The following VCL variants were observed in gnomAD, a reference collection of about 807,000 sequenced individuals.
VCL encodes epididymis luminal protein 114.
Under a neutral mutation model 125.7 loss-of-function variants are expected in VCL, and 47 were observed. The ratio of observed to expected loss-of-function variants is 0.37; its 90% CI spans 0.30 to 0.48. The LOEUF is 0.48. Among genes scored for constraint, VCL ranks in the 20% least tolerant of loss-of-function variants. The pLI, the probability that VCL is intolerant of heterozygous loss-of-function variation, is 0.99. For synonymous variants in VCL, 458 were observed against 514.6 expected (o/e 0.89, Z 1.49); for missense variants, 1,069 against 1,455.5 (o/e 0.73, Z 4.32).
chr10:74,020,166 A>C (rs568742042), intron 1 of VCL, among the ~76,000 whole-genome samples: 2 of 152,270 alleles, frequency 1.3e-5, no homozygotes, highest in South Asian at 2.1e-4. Flanking sequence ...AAAGCATTTG[A>C]GTAACTTGTC....
At chr10:74,116,591 CAGG>C (rs1162048872) in intron 21 of VCL, among the ~76,000 whole-genome samples, 1 of 151,392 alleles carries the variant, frequency 6.6e-6, no homozygotes, top group Non-Finnish European at 1.5e-5. Flanking sequence ...GAGGCTGAGG[CAGG>C]AGAATCGCTT....
intron 2 of VCL, among the ~76,000 whole-genome samples, chr10:74,060,655 C>CAAAAAAAAAAAAAAAA (rs11398822): frequency 2.7e-5 from 3 of 109,128 alleles, no homozygotes; most frequent in Admixed American, 1.0e-4. Context: ...GACTCTGTCT[C>CAAAAAAAAAAAAAAAA]AAAAAAAAAA....
At chr10:74,106,133 G>A (rs1363886873) in intron 16 of VCL, among the ~76,000 whole-genome samples, 2 of 151,522 alleles carry the variant, frequency 1.3e-5, no homozygotes, top group Non-Finnish European at 2.9e-5. Context: ...TGTTGGCCAG[G>A]CTGGTCTCAA....
intron 1 of VCL, among the ~76,000 whole-genome samples, chr10:74,006,910 C>T (rs1167941909): frequency 1.3e-5 from 2 of 152,096 alleles, no homozygotes; most frequent in East Asian, 1.9e-4. Context: ...TATTTAATTA[C>T]TCATCATTTA....
intron 10 of VCL, among the ~76,000 whole-genome samples, chr10:74,093,264 TC>T (rs1252045186): frequency 2.0e-5 from 3 of 152,000 alleles, no homozygotes. Flanking sequence ...GCCACTGCAC[TC>T]CAGCCTGGGC....
intron 1 of VCL, among the ~76,000 whole-genome samples, chr10:74,034,471 C>T (rs1461071869): frequency 6.6e-6 from 1 of 152,198 alleles, no homozygotes; most frequent in Non-Finnish European, 1.5e-5. Flanking sequence ...TTCTCTTCCT[C>T]TGTGAAACTT....
At position 74,089,314 on chromosome 10, in the gene VCL, A is replaced by C; in HGVS notation, c.1141A>C (p.Lys381Gln). The C allele has an allele frequency of 6.2e-7, 1 of 1,614,208 alleles. No homozygotes were observed. The highest frequency in any genetic ancestry group is 8.5e-7 in the Non-Finnish European group (1 of 1,180,046). The change falls in exon 9 of 22, where the codon AAG becomes CAG. Residue 381 changes from lysine (K) to glutamine (Q), a missense_variant. Transcript: ENST00000211998. ...ARKLEAMTNS[K>Q]QSIAKKIDAA... ...CAAGCTGGAAGCCATGACCAACTCAAAGCAGAGCATTGCAAAGAAGATCGA... is the reference window on the plus strand; with the variant it reads ...CAAGCTGGAAGCCATGACCAACTCACAGCAGAGCATTGCAAAGAAGATCGA...
chr10:74,072,856 C>A lies in VCL; in HGVS notation c.622+4C>A, dbSNP rs201020802. On this transcript the variant is annotated splice_donor_region_variant and intron_variant, in intron 5 of 21. Transcript: ENST00000211998. ...TTGCTGCCAGTTCTCATTTCAGGTACTTCCTGCCTGTACTTTATTTTATAG... is the reference window on the plus strand; with the variant it reads ...TTGCTGCCAGTTCTCATTTCAGGTAATTCCTGCCTGTACTTTATTTTATAG... 5 of 1,613,972 alleles carry A rather than the reference C, an allele frequency of 3.1e-6. No individual in the cohort carries two copies. Among genetic ancestry groups the A allele is most frequent in the Non-Finnish European group, 4.2e-6 (5 of 1,179,956 alleles).
intron 5 of VCL, among the ~76,000 whole-genome samples, chr10:74,073,148 C>T (rs1055676754): frequency 6.4e-4 from 97 of 152,126 alleles, no homozygotes; most frequent in African/African-American, 2.3e-3. Context: ...ACCATGTGGG[C>T]CAGGATGGTC....
In VCL at chr10:74,118,207, T is replaced by G. The variant is rs923708966; in HGVS notation, c.*38T>G. ...GCCTGGCTGGCACAGAAACCTCTAC[T>G]AAAAAGAAGGAAAATGATCTGAGTC... On this transcript the variant is annotated 3_prime_UTR_variant, in exon 22 of 22. Transcript: ENST00000211998. The G allele has an allele frequency of 5.0e-6, 8 of 1,613,330 alleles. No individual in the cohort carries two copies. The highest frequency in any genetic ancestry group is 6.8e-6 in the Non-Finnish European group (8 of 1,179,774).
chr10:74,109,238 T>C, intron 18 of VCL, 82 bp downstream of exon 18: 1 of 1,555,978 alleles, frequency 6.4e-7, no homozygotes, highest in Non-Finnish European at 8.8e-7. Context: ...GAAAGAAGAG[T>C]CTATTTGGAG....
chr10:74,109,585 T>TTTTTTTC (rs1554819295), intron 18 of VCL, among the ~76,000 whole-genome samples: 3 of 151,806 alleles, frequency 2.0e-5, no homozygotes, highest in Non-Finnish European at 4.4e-5. Flanking sequence ...TCTTTTTTTT[T>TTTTTTTC]CCACAGAAGC....
intron 2 of VCL, among the ~76,000 whole-genome samples, chr10:74,044,541 T>C (rs536001196): frequency 6.6e-6 from 1 of 152,342 alleles, no homozygotes; most frequent in South Asian, 2.1e-4. Flanking sequence ...ATATTAGTTG[T>C]TGATAAGATG....
In VCL at chr10:74,070,868, G is replaced by T. The variant is rs754767536; in HGVS notation, c.390+48G>T. ...CCTACTCTTGAAGATAATAATGGAAGATTGATGATTGTTTAGAATGAAAAT... is the reference window on the plus strand; with the variant it reads ...CCTACTCTTGAAGATAATAATGGAATATTGATGATTGTTTAGAATGAAAAT... On this transcript the variant is annotated intron_variant, in intron 3 of 21. Coordinates refer to ENST00000211998, the MANE Select transcript of VCL (RefSeq NM_014000.3). 16 of 1,612,528 alleles carry T rather than the reference G, an allele frequency of 9.9e-6. No homozygotes were observed. The South Asian group carries it at 1.5e-4, about 16-fold the overall frequency.
At chr10:74,001,083 A>G (rs1423267915) in intron 1 of VCL, among the ~76,000 whole-genome samples, 1 of 152,212 alleles carries the variant, frequency 6.6e-6, no homozygotes, top group East Asian at 1.9e-4. Flanking sequence ...AGTGTAACAT[A>G]GGCCTTATCC....
intron 18 of VCL, among the ~76,000 whole-genome samples, 166 bp downstream of exon 18, chr10:74,109,322 T>A (rs1463497474): frequency 1.3e-5 from 2 of 152,196 alleles, no homozygotes; most frequent in Non-Finnish European, 2.9e-5. Flanking sequence ...TTTAGTGAGA[T>A]GTTTCTGACA....
At chr10:74,108,536 G>C (rs1840173111) in intron 17 of VCL, among the ~76,000 whole-genome samples, 1 of 151,852 alleles carries the variant, frequency 6.6e-6, no homozygotes, top group South Asian at 2.1e-4. Context: ...CTGGAGCGCA[G>C]TGGCATGATC....
Position 74,087,561 on chromosome 10 carries a change from C to T in VCL, c.1023-1635C>T, listed in dbSNP as rs1308625806. ...ATTTTTAGTAGAGACGGGGTTTCAG[C>T]GTGTTAGCCAGGATGGTCTCGATCT... On this transcript the variant is annotated intron_variant, in intron 8 of 21. Coordinates refer to ENST00000211998, the MANE Select transcript of VCL (RefSeq NM_014000.3). Among the ~76,000 whole-genome samples the T allele has an allele frequency of 5.0e-5, 7 of 139,000 alleles. 1 individual carries two copies. The highest frequency in any genetic ancestry group is 1.9e-4 in the African/African-American group (7 of 37,522). The allele number at this position is 139,000 out of a possible 152,430, so 91.2% of individuals were successfully genotyped here.
chr10:74,098,107 T>C (rs1397228612), intron 13 of VCL, among the ~76,000 whole-genome samples: 1 of 152,198 alleles, frequency 6.6e-6, no homozygotes, highest in Non-Finnish European at 1.5e-5. Context: ...GTGGTACCAC[T>C]CTTCCCCCTC....
Sources: gnomAD v4.1 joint callset for allele counts (sites outside exome capture counted in the v4.1 genomes callset) on GRCh38, gnomAD v4.1.1 for gene constraint, MANE v1.5 for transcripts, NCBI Gene and HGNC (gene_info 2026-07-23, HGNC 2026-07-21) for gene names.